The following PCDH17 variants were observed in gnomAD, a reference collection of about 807,000 sequenced individuals.
PCDH17 encodes the protein protocadherin 17.
In PCDH17, 21 loss-of-function variants were observed where a neutral mutation model predicts 67.7. That is an observed-to-expected ratio of 0.31 (90% CI 0.22 to 0.45). The LOEUF is 0.45. Ranked by LOEUF, PCDH17 falls within the 20% of genes least tolerant of loss-of-function variation. PCDH17 has a pLI of 1.00. For synonymous variants in PCDH17, 701 were observed against 656.7 expected (o/e 1.07, Z -1.03); for missense variants, 1,471 against 1,564.8 (o/e 0.94, Z 1.01).
chr13:57,630,978 G>A (rs988794302), upstream of PCDH17, among the ~76,000 whole-genome samples: 1 of 151,930 alleles, frequency 6.6e-6, no homozygotes, highest in African/African-American at 2.4e-5. Flanking sequence ...GGAGCTCCCC[G>A]GGGTAGGAGC....
chr13:57,632,489 C>G lies in PCDH17; in HGVS notation c.-58C>G. On this transcript the variant is annotated 5_prime_UTR_variant, in exon 1 of 4. Coordinates refer to ENST00000377918, the MANE Select transcript of PCDH17 (RefSeq NM_001040429.3). Reference sequence around the variant, plus strand: ...TGCGCCAGGGCCCCAGGCTGGCGCGCACTCCCTCTCTGGCTCCTCCAGTCC... The same window carrying G: ...TGCGCCAGGGCCCCAGGCTGGCGCGGACTCCCTCTCTGGCTCCTCCAGTCC... 2 of 1,532,252 alleles carry G rather than the reference C, an allele frequency of 1.3e-6. No individual in the cohort carries two copies. Among genetic ancestry groups the G allele is most frequent in the East Asian group, 2.4e-5 (1 of 41,600 alleles). The allele number at this position is 1,532,252 out of a possible 1,614,324, so 94.9% of individuals were successfully genotyped here. A position where few individuals can be genotyped will look rare whatever the true frequency, so the allele number is the denominator to read the frequency against.
At chr13:57,688,090 A>G (rs2138057696) in intron 3 of PCDH17, among the ~76,000 whole-genome samples, 1 of 151,502 alleles carries the variant, frequency 6.6e-6, no homozygotes, top group African/African-American at 2.4e-5. Context: ...CCCCCACCCC[A>G]TTTTTTTTAA....
chr13:57,705,787 G>A (rs1166176318), intron 3 of PCDH17, among the ~76,000 whole-genome samples: 6 of 151,984 alleles, frequency 3.9e-5, no homozygotes, highest in Admixed American at 2.0e-4. Context: ...AGGCCGAGGC[G>A]GGTGGATCAC....
intron 1 of PCDH17, among the ~76,000 whole-genome samples, chr13:57,647,993 T>G (rs889952482): frequency 3.3e-5 from 5 of 151,956 alleles, no homozygotes; most frequent in Non-Finnish European, 5.9e-5. Flanking sequence ...AACAAATTTC[T>G]TAGAATTATT....
chr13:57,684,691 G>A (rs1234915083), intron 3 of PCDH17, among the ~76,000 whole-genome samples: 1 of 151,930 alleles, frequency 6.6e-6, no homozygotes, highest in Non-Finnish European at 1.5e-5. Context: ...TTAAAGCCAT[G>A]GGGCAAGTTA....
intron 3 of PCDH17, among the ~76,000 whole-genome samples, chr13:57,711,229 G>T (rs1169677085): frequency 6.6e-6 from 1 of 151,778 alleles, no homozygotes; most frequent in Non-Finnish European, 1.5e-5. Flanking sequence ...TCCATTTCCT[G>T]CTCAAATGTA....
chr13:57,705,101 A>G (rs1955708865), intron 3 of PCDH17, among the ~76,000 whole-genome samples: 1 of 152,030 alleles, frequency 6.6e-6, no homozygotes, highest in Admixed American at 6.6e-5. Context: ...TAGAGAGAAA[A>G]TATGACTTAA....
chr13:57,633,314 T>C lies in PCDH17; in HGVS notation c.768T>C (p.Ala256=), dbSNP rs1216269788. The change falls in exon 1 of 4, where the codon GCT becomes GCC. Residue 256 remains alanine (A), a synonymous_variant. Coordinates refer to ENST00000377918, the MANE Select transcript of PCDH17 (RefSeq NM_001040429.3). The surrounding 1 kb of genome is among the most constrained non-coding windows in gnomAD (Gnocchi z 6.2). ...ACTTGGTGGAACTGCCCGAGAACGC[T>C]CCGCTGGGTACAGTGGTCATCGATC... The part of the protein sequence containing the change: ...PSYLVELPEN[A]PLGTVVIDLN... 3.1e-6 allele frequency: 5 copies of C among 1,613,020 alleles called. No homozygotes were observed. The highest frequency in any genetic ancestry group is 4.2e-6 in the Non-Finnish European group (5 of 1,179,998).
chr13:57,721,206 G>T (rs1439258228), intron 3 of PCDH17, among the ~76,000 whole-genome samples: 1 of 151,974 alleles, frequency 6.6e-6, no homozygotes, highest in East Asian at 1.9e-4. Context: ...CTTGGCAAGG[G>T]ATGCATTCTA....
intron 3 of PCDH17, among the ~76,000 whole-genome samples, chr13:57,710,054 G>T (rs1955761469): frequency 6.6e-6 from 1 of 151,670 alleles, no homozygotes. Flanking sequence ...TTCATATTTT[G>T]AAAATTCTAC....
rs145739594 is a variant in PCDH17 at position 57,648,190 on chromosome 13, A to G, written c.2565+13079A>G. ...AAGGCTCTAGGAGTGAGGGAAGGAA[A>G]GGAGCTGTGGTTCAATATCCCCAGG... On this transcript the variant is annotated intron_variant, in intron 1 of 3. Coordinates refer to ENST00000377918, the MANE Select transcript of PCDH17 (RefSeq NM_001040429.3). 2.5e-3 allele frequency among the ~76,000 whole-genome samples: 379 copies of G among 152,012 alleles called. 1 individual carries two copies. Among genetic ancestry groups the G allele is most frequent in the African/African-American group, 8.0e-3 (334 of 41,538 alleles).
At chr13:57,720,648 A>G (rs1955864836) in intron 3 of PCDH17, among the ~76,000 whole-genome samples, 1 of 152,030 alleles carries the variant, frequency 6.6e-6, no homozygotes, top group African/African-American at 2.4e-5. Flanking sequence ...TATGAATTTA[A>G]GATTTTCTAT....
intron 1 of PCDH17, among the ~76,000 whole-genome samples, chr13:57,658,847 T>G (rs919590698): frequency 6.6e-6 from 1 of 152,144 alleles, no homozygotes; most frequent in Non-Finnish European, 1.5e-5. Flanking sequence ...TGGTGCAATC[T>G]CTGCTCACCT....
At chr13:57,674,388 G>A (rs1955362648) in intron 3 of PCDH17, among the ~76,000 whole-genome samples, 2 of 151,752 alleles carry the variant, frequency 1.3e-5, no homozygotes, top group African/African-American at 4.8e-5. Flanking sequence ...GTGCAATATT[G>A]CAATCACAGC....
intron 3 of PCDH17, among the ~76,000 whole-genome samples, chr13:57,711,255 G>A (rs1955773284): frequency 6.6e-6 from 1 of 151,740 alleles, no homozygotes; most frequent in African/African-American, 2.4e-5. Flanking sequence ...ATGCTCACTG[G>A]TGCATACATG....
intron 3 of PCDH17, among the ~76,000 whole-genome samples, chr13:57,693,912 G>A (rs761871241): frequency 1.3e-5 from 2 of 150,082 alleles, no homozygotes; most frequent in Non-Finnish European, 3.0e-5. Flanking sequence ...GGAGGTTGCA[G>A]GAATACTTCC....
At chr13:57,678,523 T>C (rs1955416589) in intron 3 of PCDH17, among the ~76,000 whole-genome samples, 1 of 151,580 alleles carries the variant, frequency 6.6e-6, no homozygotes, top group Non-Finnish European at 1.5e-5. Context: ...TAAACAGAGA[T>C]GTGGAAGAAA....
chr13:57,693,451 G>A (rs1476225109), intron 3 of PCDH17, among the ~76,000 whole-genome samples: 1 of 147,988 alleles, frequency 6.8e-6, no homozygotes, highest in African/African-American at 2.5e-5. Flanking sequence ...GTTTTTTAAG[G>A]TTTAACTTAG....
chr13:57,668,705 T>C (rs1955284960), intron 3 of PCDH17, among the ~76,000 whole-genome samples: 1 of 152,048 alleles, frequency 6.6e-6, no homozygotes, highest in South Asian at 2.1e-4. Context: ...CAGGAAATAA[T>C]TGCTAGTCTA....
Sources: gnomAD v4.1 joint callset for allele counts (sites outside exome capture counted in the v4.1 genomes callset) on GRCh38, gnomAD v4.1.1 for gene constraint, Gnocchi (gnomAD v3.1) non-coding constraint, MANE v1.5 for transcripts, NCBI Gene and HGNC (gene_info 2026-07-23, HGNC 2026-07-21) for gene names.